The following DTHD1 variants were observed in gnomAD, a reference collection of about 807,000 sequenced individuals.
The protein encoded by DTHD1 is death domain-containing protein 1.
DTHD1 carries 59 observed loss-of-function variants against 74.8 expected under a neutral mutation model. The ratio of observed to expected loss-of-function variants is 0.79; its 90% CI spans 0.64 to 0.98. The LOEUF (loss-of-function observed/expected upper bound fraction) is 0.98, where lower values mean the gene tolerates loss of function less well. Among genes scored for constraint, DTHD1 ranks in the 50% least tolerant of loss-of-function variants. DTHD1 has a pLI of 0.00. For missense variants in DTHD1, 1,051 were observed against 1,065.4 expected, an observed-to-expected ratio of 0.99 and a Z score of 0.19; for synonymous variants, 365 against 371.1, an observed-to-expected ratio of 0.98 and a Z score of 0.19.
chr4:36,318,652 T>C (rs1757875849), intron 8 of DTHD1, among the ~76,000 whole-genome samples: 1 of 147,150 alleles, frequency 6.8e-6, no homozygotes, highest in South Asian at 2.2e-4. Flanking sequence ...TCTCGCTCTG[T>C]CGCCCAGGCT....
chr4:36,283,104 T>C (rs1160855953), intron 1 of DTHD1, among the ~76,000 whole-genome samples: 1 of 152,200 alleles, frequency 6.6e-6, no homozygotes, highest in African/African-American at 2.4e-5. Flanking sequence ...CACTAAGCTA[T>C]GGGGCCTTAA....
chr4:36,288,623 T>C lies in DTHD1; in HGVS notation c.888-1750T>C, dbSNP rs182512866. Among the ~76,000 whole-genome samples the C allele has an allele frequency of 6.6e-5, 10 of 152,324 alleles. No homozygotes were observed. The East Asian group carries it at 1.5e-3, about 23-fold the overall frequency. ...CTGAAGATCAGTTGGCTGTAAGTAT[T>C]TGGCTTTATTTCAGGGTCCTCTTTT... On this transcript the variant is annotated intron_variant, in intron 2 of 9. Coordinates refer to ENST00000639862, the MANE Select transcript of DTHD1 (RefSeq NM_001170700.3).
chr4:36,326,260 T>G (rs539191670), intron 8 of DTHD1, among the ~76,000 whole-genome samples: 1 of 149,998 alleles, frequency 6.7e-6, no homozygotes, highest in South Asian at 2.1e-4. Flanking sequence ...GCACTTTGAA[T>G]ATATATATAA....
chr4:36,281,730 G>T lies in DTHD1; in HGVS notation c.-29G>T. On this transcript the variant is annotated 5_prime_UTR_variant, in exon 1 of 10. Transcript: ENST00000639862. ...CAAAACCTTTAGGCTTTGCTGGCAG[G>T]AGAGAAAATACCACTTTTGGATCAT... is the stretch of plus-strand genomic sequence containing the variant. 1.6e-6 allele frequency: 2 copies of T among 1,234,926 alleles called. No homozygotes were observed. The highest frequency in any genetic ancestry group is 2.0e-6 in the Non-Finnish European group (2 of 988,612). The allele number at this position is 1,234,926 out of a possible 1,614,324, so 76.5% of individuals were successfully genotyped here.
At chr4:36,307,742 G>T (rs1757143226) in intron 6 of DTHD1, among the ~76,000 whole-genome samples, 1 of 152,144 alleles carries the variant, frequency 6.6e-6, no homozygotes, top group Non-Finnish European at 1.5e-5. Flanking sequence ...TTTTAAATAT[G>T]CTCTTTTGTA....
At position 36,301,883 on chromosome 4, in the gene DTHD1, A is replaced by G. The variant is rs560163041; in HGVS notation, c.1644-4308A>G. Among the ~76,000 whole-genome samples, 19 of 152,224 alleles carry G rather than the reference A, an allele frequency of 1.2e-4. No individual in the cohort carries two copies. The South Asian group carries it at 3.9e-3, about 32-fold the overall frequency. On this transcript the variant is annotated intron_variant, in intron 5 of 9. Transcript: ENST00000639862. ...TTCTGCTGTCAGCTGGCAAGAAAAC[A>G]TAGCATAATAGAGAAAGAAATTTGA...
chr4:36,285,491 C>T (rs1755647690), intron 2 of DTHD1, among the ~76,000 whole-genome samples: 1 of 152,026 alleles, frequency 6.6e-6, no homozygotes, highest in Non-Finnish European at 1.5e-5. Flanking sequence ...ATCAGATTCT[C>T]TAGGAGACCA....
At chr4:36,342,103 G>C (rs1759344568) in intron 9 of DTHD1, among the ~76,000 whole-genome samples, 1 of 152,224 alleles carries the variant, frequency 6.6e-6, no homozygotes, top group Non-Finnish European at 1.5e-5. Flanking sequence ...AGGTGTGAAT[G>C]ATGATCCGCA....
chr4:36,314,756 T>G (rs1290362254), intron 7 of DTHD1, among the ~76,000 whole-genome samples: 3 of 136,766 alleles, frequency 2.2e-5, no homozygotes, highest in African/African-American at 5.0e-5. Context: ...AGTTTTTTTT[T>G]TTTTTTTTTT....
At chr4:36,315,053 A>G (rs1757633909) in intron 7 of DTHD1, among the ~76,000 whole-genome samples, 1 of 152,206 alleles carries the variant, frequency 6.6e-6, no homozygotes, top group African/African-American at 2.4e-5. Flanking sequence ...TAGAGGCTGC[A>G]CTTGAACCTA....
At chr4:36,315,958 C>T (rs572421064) in intron 7 of DTHD1, among the ~76,000 whole-genome samples, 1 of 152,146 alleles carries the variant, frequency 6.6e-6, no homozygotes, top group South Asian at 2.1e-4. Flanking sequence ...TTGTTTGAGA[C>T]GGAGTCTCCT....
intron 7 of DTHD1, among the ~76,000 whole-genome samples, chr4:36,310,070 A>G (rs1400431965): frequency 1.3e-5 from 2 of 152,176 alleles, no homozygotes; most frequent in Non-Finnish European, 2.9e-5. Flanking sequence ...CATGGTGTAT[A>G]TGTACCACAT....
chr4:36,320,781 G>A (rs1757997316), intron 8 of DTHD1, among the ~76,000 whole-genome samples: 2 of 152,178 alleles, frequency 1.3e-5, no homozygotes, highest in African/African-American at 4.8e-5. Context: ...GTATTAGAAT[G>A]TGCTATTTTT....
At chr4:36,289,473 A>T (rs1009317339) in intron 2 of DTHD1, among the ~76,000 whole-genome samples, 4 of 152,138 alleles carry the variant, frequency 2.6e-5, no homozygotes, top group African/African-American at 9.6e-5. Flanking sequence ...GGAGCCAATT[A>T]TCTGGTCTAA....
chr4:36,293,852 T>C (rs1276932360), intron 4 of DTHD1, 147 bp downstream of exon 4: 4 of 542,890 alleles, frequency 7.4e-6, no homozygotes, highest in African/African-American at 1.9e-5. Flanking sequence ...TATATAGTGA[T>C]ATCAGCAATA....
chr4:36,317,957 C>T (rs924932978), intron 8 of DTHD1, among the ~76,000 whole-genome samples: 4 of 152,034 alleles, frequency 2.6e-5, no homozygotes, highest in African/African-American at 9.7e-5. Context: ...TGCATTTGAC[C>T]GGGGTGGTAA....
At position 36,284,264 on chromosome 4, in the gene DTHD1, C is replaced by G. The variant is rs1181298328; in HGVS notation, c.560C>G (p.Ala187Gly). 1 of 1,537,128 alleles carries G rather than the reference C, an allele frequency of 6.5e-7. No individual in the cohort carries two copies. The highest frequency in any genetic ancestry group is 2.0e-5 in the Admixed American group (1 of 51,004). Residue 187 changes from alanine (A) to glycine (G), a missense_variant, in exon 2 of 10, where the codon GCA (alanine) becomes GGA (glycine). Transcript: ENST00000639862. ...LEKNKTHMSS[A>G]LVEKENNTSL... Reference sequence around the variant, plus strand: ...AAAAATAAAACACATATGAGTTCAGCATTAGTGGAAAAAGAAAACAATACA... The same window carrying G: ...AAAAATAAAACACATATGAGTTCAGGATTAGTGGAAAAAGAAAACAATACA...
At chr4:36,317,583 A>G (rs935159297) in intron 8 of DTHD1, among the ~76,000 whole-genome samples, 3 of 152,210 alleles carry the variant, frequency 2.0e-5, no homozygotes, top group African/African-American at 7.2e-5. Context: ...TTTTTTAAAC[A>G]TCTTAAATAG....
chr4:36,343,003 A>G (rs1229004499), intron 9 of DTHD1, among the ~76,000 whole-genome samples: 3 of 151,798 alleles, frequency 2.0e-5, no homozygotes, highest in African/African-American at 7.3e-5. Flanking sequence ...CTAGACTAGA[A>G]TCGCTTGAAC....
Sources: allele counts gnomAD v4.1 joint callset (sites outside exome capture counted in the v4.1 genomes callset), GRCh38; gene constraint gnomAD v4.1.1; transcripts MANE v1.5; gene names NCBI Gene and HGNC (gene_info 2026-07-23, HGNC 2026-07-21).